Variants in CPA6 observed in about 807,000 individuals in gnomAD.
The protein encoded by CPA6 is carboxypeptidase A6.
Under a neutral mutation model 63.3 loss-of-function variants are expected in CPA6, and 58 were observed. The ratio of observed to expected loss-of-function variants is 0.92; its 90% confidence interval spans 0.74 to 1.14. CPA6 has a LOEUF of 1.14. CPA6 is among the 50% of genes most tolerant of loss of function. The probability of loss-of-function intolerance (pLI) is 0.00; values close to 1 mark genes in which losing one functional copy is unlikely to be tolerated. For missense variants in CPA6, 565 were observed against 526.6 expected, an observed-to-expected ratio of 1.07 and a Z score of -0.71; for synonymous variants, 185 against 179.0, an observed-to-expected ratio of 1.03 and a Z score of -0.27.
intron 2 of CPA6, among the ~76,000 whole-genome samples, chr8:67,622,827 T>A (rs571557612): frequency 3.8e-4 from 58 of 152,348 alleles, no homozygotes; most frequent in African/African-American, 1.2e-3. Flanking sequence ...GAGGCCTGTT[T>A]GGTAATCTGC....
Position 67,487,485 on chromosome 8 carries a change from C to T in CPA6, c.637-2696G>A, listed in dbSNP as rs148816843. Reference sequence around the variant, plus strand: ...CATTTGGGTTGGTTCCAAGTCTTTGCTATTGTGAATAGTGCCGCAATAAAC... The same window carrying T: ...CATTTGGGTTGGTTCCAAGTCTTTGTTATTGTGAATAGTGCCGCAATAAAC... On this transcript the variant is annotated intron_variant, in intron 6 of 10. Coordinates refer to ENST00000297770, the MANE Select transcript of CPA6 (RefSeq NM_020361.5). Among the ~76,000 whole-genome samples the T allele has an allele frequency of 6.3e-4, 96 of 152,258 alleles. 1 individual carries two copies. Among genetic ancestry groups the T allele is most frequent in the African/African-American group, 2.2e-3 (92 of 41,536 alleles).
intron 2 of CPA6, among the ~76,000 whole-genome samples, chr8:67,612,147 C>T (rs555929858): frequency 6.6e-6 from 1 of 152,198 alleles, no homozygotes; most frequent in East Asian, 1.9e-4. Context: ...AAGTATGGCC[C>T]TGGATATGGT....
chr8:67,439,446 A>G (rs908701167), intron 8 of CPA6, among the ~76,000 whole-genome samples: 1 of 152,048 alleles, frequency 6.6e-6, no homozygotes, highest in Non-Finnish European at 1.5e-5. Flanking sequence ...AAAATTAGCC[A>G]GGTATGGTGG....
rs149948987 is a variant in CPA6, at chr8:67,577,642, C to T, written c.192+46534G>A. ...TGTATCAGATGTGATATTAACATTTCTTGAAAGCAAAAGGAAAGCATGAGT... is the reference window on the plus strand; with the variant it reads ...TGTATCAGATGTGATATTAACATTTTTTGAAAGCAAAAGGAAAGCATGAGT... On this transcript the variant is annotated intron_variant, in intron 2 of 10. Transcript: ENST00000297770. 4.6e-3 allele frequency among the ~76,000 whole-genome samples: 693 copies of T among 152,262 alleles called. 4 individuals are homozygous for T. Among genetic ancestry groups the T allele is most frequent in the African/African-American group, 0.016 (647 of 41,544 alleles).
At chr8:67,678,264 A>ACACAC (rs1456845314) in intron 1 of CPA6, among the ~76,000 whole-genome samples, 4 of 110,684 alleles carry the variant, frequency 3.6e-5, no homozygotes, top group Non-Finnish European at 8.1e-5. Flanking sequence ...CACACACACA[A>ACACAC]ACCCTGATGA....
At chr8:67,700,357 G>C (rs201408080) in intron 1 of CPA6, among the ~76,000 whole-genome samples, 1 of 152,212 alleles carries the variant, frequency 6.6e-6, no homozygotes, top group African/African-American at 2.4e-5. Flanking sequence ...ACCCCAAACT[G>C]TATTTGCTAA....
intron 2 of CPA6, among the ~76,000 whole-genome samples, chr8:67,620,613 T>C (rs917348201): frequency 5.9e-5 from 9 of 152,186 alleles, no homozygotes; most frequent in African/African-American, 2.2e-4. Flanking sequence ...GTCATATTCT[T>C]TTTTCTCTGC....
intron 2 of CPA6, among the ~76,000 whole-genome samples, chr8:67,566,939 C>T (rs907547687): frequency 6.6e-6 from 1 of 152,168 alleles, no homozygotes; most frequent in Non-Finnish European, 1.5e-5. Context: ...TGAAAGGTGG[C>T]CACTCTTTAG....
At position 67,556,797 on chromosome 8, in the gene CPA6, C is replaced by T. The variant is rs551615191; in HGVS notation, c.193-38750G>A. 4.6e-5 allele frequency among the ~76,000 whole-genome samples: 7 copies of T among 152,372 alleles called. No homozygotes were observed. In the East Asian group the frequency reaches 1.3e-3, roughly 29 times the overall value. Reference sequence around the variant, plus strand: ...CTCTTGCTTCCTTTAGCCCAAAACACAGACAAGAGCGGCAGCGCCGAGAGT... The same window carrying T: ...CTCTTGCTTCCTTTAGCCCAAAACATAGACAAGAGCGGCAGCGCCGAGAGT... On this transcript the variant is annotated intron_variant, in intron 2 of 10. Coordinates refer to ENST00000297770, the MANE Select transcript of CPA6 (RefSeq NM_020361.5).
chr8:67,556,046 C>T (rs1022298875), intron 2 of CPA6, among the ~76,000 whole-genome samples: 3 of 152,212 alleles, frequency 2.0e-5, no homozygotes, highest in Admixed American at 6.5e-5. Flanking sequence ...GTTCCTTCAG[C>T]CTGGGCCCCA....
At chr8:67,726,109 C>T (rs1044262563) in intron 1 of CPA6, among the ~76,000 whole-genome samples, 1 of 152,052 alleles carries the variant, frequency 6.6e-6, no homozygotes, top group African/African-American at 2.4e-5. Context: ...AAGACAGAGG[C>T]CAAGAAAAAT....
chr8:67,431,669 C>A (rs1810031035), intron 9 of CPA6, among the ~76,000 whole-genome samples: 1 of 152,064 alleles, frequency 6.6e-6, no homozygotes, highest in Admixed American at 6.6e-5. Context: ...GCCGGGTCAA[C>A]AAAAACAACA....
chr8:67,738,108 G>C (rs1448614733), intron 1 of CPA6, among the ~76,000 whole-genome samples: 1 of 152,026 alleles, frequency 6.6e-6, no homozygotes, highest in African/African-American at 2.4e-5. Flanking sequence ...AAAAAAACAA[G>C]TGAAAGGGAG....
chr8:67,466,001 A>AT lies in CPA6; in HGVS notation c.838+17766dup, dbSNP rs543035800. Among the ~76,000 whole-genome samples the AT allele has an allele frequency of 9.3e-5, 14 of 150,898 alleles. No homozygotes were observed. In the East Asian group the frequency reaches 2.7e-3, roughly 29 times the overall value. On this transcript the variant is annotated intron_variant, in intron 8 of 10. Coordinates refer to ENST00000297770, the MANE Select transcript of CPA6 (RefSeq NM_020361.5). ...GTTAGGGAGGAATCCTACCTCCTTA[A>AT]TTTTTTGGAATAGTTTCAGTAGAAT...
chr8:67,670,982 T>C (rs1816330718), intron 1 of CPA6, among the ~76,000 whole-genome samples: 1 of 152,214 alleles, frequency 6.6e-6, no homozygotes, highest in Admixed American at 6.5e-5. Context: ...TAAACTCACA[T>C]ATGTTCTACC....
At chr8:67,462,663 CTT>C (rs1251982284) in intron 8 of CPA6, among the ~76,000 whole-genome samples, 3 of 152,138 alleles carry the variant, frequency 2.0e-5, no homozygotes, top group East Asian at 1.9e-4. Flanking sequence ...TTGTCTCTCT[CTT>C]TCTCTTTTAA....
intron 1 of CPA6, among the ~76,000 whole-genome samples, chr8:67,665,171 AAAAAC>A (rs746156478): frequency 5.9e-5 from 9 of 152,314 alleles, no homozygotes; most frequent in Admixed American, 5.2e-4. Flanking sequence ...TCTTCACGGG[AAAAAC>A]AAAACAAAAC....
At chr8:67,605,861 C>T (rs1184020159) in intron 2 of CPA6, among the ~76,000 whole-genome samples, 1 of 152,042 alleles carries the variant, frequency 6.6e-6, no homozygotes, top group East Asian at 1.9e-4. Flanking sequence ...CCACTATACC[C>T]TAAGGCTTTG....
intron 2 of CPA6, among the ~76,000 whole-genome samples, chr8:67,598,567 CAT>C (rs1814408646): frequency 6.6e-6 from 1 of 152,082 alleles, no homozygotes; most frequent in African/African-American, 2.4e-5. Context: ...AATTTGCTGA[CAT>C]ATATTTTAAA....
Sources: gnomAD v4.1 joint callset for allele counts (sites outside exome capture counted in the v4.1 genomes callset) on GRCh38, gnomAD v4.1.1 for gene constraint, MANE v1.5 for transcripts, NCBI Gene and HGNC (gene_info 2026-07-23, HGNC 2026-07-21) for gene names.